The following ARID2 variants were observed in gnomAD, a reference collection of about 807,000 sequenced individuals.
ARID2 encodes AT-rich interaction domain 2.
In ARID2, 32 loss-of-function variants were observed where a neutral mutation model predicts 184.6. That is an observed-to-expected ratio of 0.17 (90% confidence interval 0.13 to 0.23). The LOEUF (loss-of-function observed/expected upper bound fraction) is 0.23, where lower values mean the gene tolerates loss of function less well. Ranked by LOEUF, ARID2 falls within the 10% of genes least tolerant of loss-of-function variation. The pLI is 1.00. For missense variants in ARID2, 1,696 were observed against 2,197.6 expected, an observed-to-expected ratio of 0.77 and a Z score of 4.56; for synonymous variants, 836 against 772.6, an observed-to-expected ratio of 1.08 and a Z score of -1.36.
intron 5 of ARID2, among the ~76,000 whole-genome samples, chr12:45,818,547 C>T (rs1342124348): frequency 6.6e-6 from 1 of 152,094 alleles, no homozygotes; most frequent in Non-Finnish European, 1.5e-5. Context: ...TTATTTCTTG[C>T]TTTCCGACTC....
chr12:45,765,360 C>T (rs1390722360), intron 3 of ARID2, among the ~76,000 whole-genome samples: 1 of 152,088 alleles, frequency 6.6e-6, no homozygotes, highest in Non-Finnish European at 1.5e-5. Flanking sequence ...GCACACGCCA[C>T]CAATCCTGGC....
At chr12:45,762,368 C>T (rs1941699724) in intron 3 of ARID2, among the ~76,000 whole-genome samples, 1 of 152,204 alleles carries the variant, frequency 6.6e-6, no homozygotes, top group South Asian at 2.1e-4. Context: ...GCACTGCTTA[C>T]ATAAGTAGGG....
At chr12:45,800,557 A>C (rs1352207253) in intron 3 of ARID2, among the ~76,000 whole-genome samples, 7 of 152,178 alleles carry the variant, frequency 4.6e-5, no homozygotes, top group Admixed American at 2.6e-4. Flanking sequence ...TTAGTTTTGT[A>C]TAATGGAAGG....
intron 3 of ARID2, among the ~76,000 whole-genome samples, chr12:45,778,136 G>A (rs1286326078): frequency 6.6e-6 from 1 of 152,162 alleles, no homozygotes; most frequent in Non-Finnish European, 1.5e-5. Flanking sequence ...GAACCCGGGA[G>A]GCAGAGTTGC....
At chr12:45,828,964 A>G (rs960374866) in intron 6 of ARID2, among the ~76,000 whole-genome samples, 2 of 151,960 alleles carry the variant, frequency 1.3e-5, no homozygotes, top group Non-Finnish European at 2.9e-5. Flanking sequence ...GAAGTTGGCC[A>G]TTTTTTAGTT....
chr12:45,757,753 G>A (rs1168470724), intron 3 of ARID2, among the ~76,000 whole-genome samples: 1 of 152,136 alleles, frequency 6.6e-6, no homozygotes, highest in Non-Finnish European at 1.5e-5. Flanking sequence ...TATTTCATAC[G>A]GTTAGTTCTT....
chr12:45,734,186 T>C (rs1187235869), intron 3 of ARID2, among the ~76,000 whole-genome samples: 1 of 152,076 alleles, frequency 6.6e-6, no homozygotes, highest in Non-Finnish European at 1.5e-5. Flanking sequence ...CTGGCCAACA[T>C]GGTGAAACCC....
intron 11 of ARID2, among the ~76,000 whole-genome samples, chr12:45,842,922 T>C (rs1943379457): frequency 6.6e-6 from 1 of 152,196 alleles, no homozygotes; most frequent in African/African-American, 2.4e-5. Context: ...GTAGTATCCC[T>C]GTTTCCCTTT....
chr12:45,742,873 T>A (rs923757262), intron 3 of ARID2, among the ~76,000 whole-genome samples: 2 of 152,240 alleles, frequency 1.3e-5, no homozygotes, highest in African/African-American at 4.8e-5. Flanking sequence ...TGTTAAATAT[T>A]GCCAGATTCC....
chr12:45,889,663 C>T (rs983073965), intron 16 of ARID2, among the ~76,000 whole-genome samples: 5 of 152,286 alleles, frequency 3.3e-5, no homozygotes, highest in Non-Finnish European at 4.4e-5. Context: ...CGGCCAGGCA[C>T]GGTGGCTGGC....
rs959618294 is a variant in ARID2, at chr12:45,811,483, A to G, written c.350A>G (p.Asn117Ser). The change falls in exon 4 of 21, where the codon AAT (asparagine) becomes AGT (serine). Residue 117 changes from asparagine to serine, a missense_variant. Around this residue, in one of 11 missense-constraint regions of ARID2, gnomAD observed 148 missense variants for 285.4 expected, o/e 0.52. Coordinates refer to ENST00000334344, the MANE Select transcript of ARID2 (RefSeq NM_152641.4). ...GEDDDEVPPG[N>S]PKPQLPIGAI... ...GATGATGATGAGGTACCACCAGGCA[A>G]TCCAAAGCCACAGCTTCCTATTGGT... 7 of 1,613,952 alleles carry G rather than the reference A, an allele frequency of 4.3e-6. No individual in the cohort carries two copies. The highest frequency in any genetic ancestry group is 1.7e-5 in the Admixed American group (1 of 60,012).
intron 3 of ARID2, among the ~76,000 whole-genome samples, chr12:45,734,968 T>A (rs1190067439): frequency 2.0e-5 from 3 of 152,246 alleles, no homozygotes; most frequent in Non-Finnish European, 4.4e-5. Context: ...AAAAATTTAT[T>A]GTACAAAACT....
chr12:45,815,913 A>G (rs1012801011), intron 4 of ARID2, among the ~76,000 whole-genome samples: 1 of 152,130 alleles, frequency 6.6e-6, no homozygotes, highest in African/African-American at 2.4e-5. Flanking sequence ...TTCCTTCCTC[A>G]GCCTCCCAAA....
intron 3 of ARID2, among the ~76,000 whole-genome samples, chr12:45,801,899 C>T (rs1039424957): frequency 3.9e-5 from 6 of 151,994 alleles, no homozygotes; most frequent in Non-Finnish European, 7.4e-5. Flanking sequence ...TAAATGAATT[C>T]TTTGAATATT....
In ARID2 at chr12:45,837,718, A is replaced by G; in HGVS notation, c.1330+11A>G. 1 of 1,605,136 alleles carries G rather than the reference A, an allele frequency of 6.2e-7. No homozygotes were observed. The highest frequency in any genetic ancestry group is 8.5e-7 in the Non-Finnish European group (1 of 1,172,596). ...TAGAAAAGAGCATAGGTAAGACTGGACCAAAAAACACTTATTTTCTTTATT... is the reference window on the plus strand; with the variant it reads ...TAGAAAAGAGCATAGGTAAGACTGGGCCAAAAAACACTTATTTTCTTTATT... On this transcript the variant is annotated intron_variant, in intron 10 of 20. Transcript: ENST00000334344.
intron 16 of ARID2, among the ~76,000 whole-genome samples, chr12:45,863,797 C>G (rs980181990): frequency 6.7e-6 from 1 of 149,506 alleles, no homozygotes; most frequent in African/African-American, 2.5e-5. Context: ...TTTATGTAGT[C>G]TTTTTGTATT....
At chr12:45,740,019 A>G (rs2137976898) in intron 3 of ARID2, among the ~76,000 whole-genome samples, 1 of 152,348 alleles carries the variant, frequency 6.6e-6, no homozygotes, top group African/African-American at 2.4e-5. Flanking sequence ...CTTCATAAAC[A>G]GTAGTTAGTG....
At chr12:45,781,334 C>G (rs114283184) in intron 3 of ARID2, among the ~76,000 whole-genome samples, 30 of 18,224 alleles carry the variant, frequency 1.6e-3, no homozygotes, top group Non-Finnish European at 2.3e-3. Context: ...TGATTGTTGA[C>G]AGAATTAATT....
At chr12:45,819,991 G>T (rs1039785164) in intron 5 of ARID2, among the ~76,000 whole-genome samples, 2 of 151,954 alleles carry the variant, frequency 1.3e-5, no homozygotes, top group Non-Finnish European at 2.9e-5. Flanking sequence ...TGATCTGCCC[G>T]CCTCGGCCTC....
Sources: allele counts gnomAD v4.1 joint callset (sites outside exome capture counted in the v4.1 genomes callset), GRCh38; gene constraint gnomAD v4.1.1; regional missense constraint gnomAD v4.1.1; transcripts MANE v1.5; gene names NCBI Gene and HGNC (gene_info 2026-07-23, HGNC 2026-07-21).